Variants in SPECC1L observed in about 807,000 individuals in gnomAD.
The protein encoded by SPECC1L is sperm antigen with calponin homology and coiled-coil domains 1 like.
In SPECC1L, 40 loss-of-function variants were observed where a neutral mutation model predicts 116.8. The ratio of observed to expected loss-of-function variants is 0.34; its 90% CI spans 0.27 to 0.45. The LOEUF is 0.45. Among genes scored for constraint, SPECC1L ranks in the 20% least tolerant of loss-of-function variants. The probability of loss-of-function intolerance (pLI) is 1.00; values close to 1 mark genes in which losing one functional copy is unlikely to be tolerated. For missense variants in SPECC1L, 1,110 were observed against 1,373.6 expected (o/e 0.81, Z 3.03); for synonymous variants, 504 against 500.6 (o/e 1.01, Z -0.09).
chr22:24,340,111 A>G (rs180683349), intron 10 of SPECC1L, among the ~76,000 whole-genome samples: 1 of 148,266 alleles, frequency 6.7e-6, no homozygotes, highest in East Asian at 2.0e-4. Context: ...AAAGAAGGGA[A>G]GGGAATACTG....
chr22:24,385,165 AAT>A (rs1162590939), intron 14 of SPECC1L, among the ~76,000 whole-genome samples: 1 of 152,022 alleles, frequency 6.6e-6, no homozygotes. Context: ...TATTTGATAA[AAT>A]ATATATTTTT....
intron 2 of SPECC1L, among the ~76,000 whole-genome samples, chr22:24,284,937 A>G (rs1176840222): frequency 6.6e-6 from 1 of 152,218 alleles, no homozygotes; most frequent in Non-Finnish European, 1.5e-5. Flanking sequence ...GGAGAGACAC[A>G]TAGTCACCAG....
intron 1 of SPECC1L, among the ~76,000 whole-genome samples, chr22:24,272,065 A>T (rs1461047932): frequency 6.6e-6 from 1 of 152,164 alleles, no homozygotes; most frequent in Non-Finnish European, 1.5e-5. Context: ...TACCAAAGGG[A>T]CTATAGTAAT....
At chr22:24,277,583 A>G (rs1196069927) in intron 2 of SPECC1L, among the ~76,000 whole-genome samples, 1 of 152,148 alleles carries the variant, frequency 6.6e-6, no homozygotes, top group African/African-American at 2.4e-5. Context: ...TTGTGTCTCT[A>G]TGGATTTGCC....
intron 9 of SPECC1L, among the ~76,000 whole-genome samples, chr22:24,336,898 A>G (rs1486070775): frequency 1.3e-5 from 2 of 152,210 alleles, no homozygotes; most frequent in Non-Finnish European, 2.9e-5. Context: ...TCAGTACAGC[A>G]TTCAGTAATT....
chr22:24,363,844 A>T lies in SPECC1L; in HGVS notation c.2827+500A>T, dbSNP rs575049503. Among the ~76,000 whole-genome samples the T allele has an allele frequency of 3.9e-4, 57 of 148,004 alleles. No individual in the cohort carries two copies. The East Asian group carries it at 8.1e-3, about 21-fold the overall frequency. On this transcript the variant is annotated intron_variant, in intron 12 of 16. Coordinates refer to ENST00000314328, the MANE Select transcript of SPECC1L (RefSeq NM_015330.6). ...TCTGGATCTTTAAGGGCATTGCTTT[A>T]CTAATGCAGAGTTACATTCTGCTTG... is the stretch of plus-strand genomic sequence containing the variant.
At position 24,302,216 on chromosome 22, in the gene SPECC1L, G is replaced by A. The variant is rs767988353; in HGVS notation, c.-16G>A. 5 of 1,613,666 alleles carry A rather than the reference G, an allele frequency of 3.1e-6. No homozygotes were observed. The highest frequency in any genetic ancestry group is 2.7e-5 in the African/African-American group (2 of 74,826). On this transcript the variant is annotated 5_prime_UTR_variant, in exon 3 of 17. Coordinates refer to ENST00000314328, the MANE Select transcript of SPECC1L (RefSeq NM_015330.6). ...ACAGATTTGCTTGTAAATGCATCACGAAGAGGCAGCCCAGAATGAAGAAAG... is the reference window on the plus strand; with the variant it reads ...ACAGATTTGCTTGTAAATGCATCACAAAGAGGCAGCCCAGAATGAAGAAAG...
intron 2 of SPECC1L, among the ~76,000 whole-genome samples, chr22:24,301,711 CAG>C (rs1041692052): frequency 1.6e-4 from 24 of 152,010 alleles, no homozygotes; most frequent in Admixed American, 1.0e-3. Flanking sequence ...AATAGTAAGT[CAG>C]GGGTCATCTG....
At chr22:24,389,852 G>A (rs1230361378) in intron 14 of SPECC1L, among the ~76,000 whole-genome samples, 2 of 152,110 alleles carry the variant, frequency 1.3e-5, no homozygotes, top group Non-Finnish European at 2.9e-5. Context: ...GCACAACCCA[G>A]GCATGAGATT....
intron 13 of SPECC1L, among the ~76,000 whole-genome samples, chr22:24,366,557 AAATT>A (rs1724853045): frequency 6.6e-6 from 1 of 152,172 alleles, no homozygotes; most frequent in African/African-American, 2.4e-5. Context: ...TGATGTAAAT[AAATT>A]ATCATGTCTG....
At position 24,321,688 on chromosome 22, in the gene SPECC1L, G is replaced by C; in HGVS notation, c.708G>C (p.Pro236=). 6.2e-7 allele frequency: 1 copy of C among 1,614,222 alleles called. No homozygotes were observed. Among genetic ancestry groups the C allele is most frequent in the South Asian group, 1.1e-5 (1 of 91,068 alleles). Residue 236 remains proline, a synonymous_variant, in exon 5 of 17, where the codon CCG becomes CCC. Coordinates refer to ENST00000314328, the MANE Select transcript of SPECC1L (RefSeq NM_015330.6). ...SEKETIMAHQ[P]TDVESTLLQL... is the part of the protein sequence containing the mutation. The stretch of plus-strand genomic sequence containing the variant: ...AGGAAACTATTATGGCTCACCAGCC[G>C]ACTGATGTGGAGTCCACTTTATTGC...
intron 3 of SPECC1L, among the ~76,000 whole-genome samples, chr22:24,308,672 T>G (rs2049551531): frequency 1.3e-5 from 2 of 152,194 alleles, no homozygotes; most frequent in African/African-American, 4.8e-5. Flanking sequence ...TACTAGACTT[T>G]TCACCCTGGT....
intron 14 of SPECC1L, among the ~76,000 whole-genome samples, chr22:24,372,107 C>T (rs1390910964): frequency 6.6e-6 from 1 of 152,062 alleles, no homozygotes; most frequent in Non-Finnish European, 1.5e-5. Context: ...GGAAGTAGAC[C>T]AATAACAGGC....
At chr22:24,403,156 G>A (rs935401905) in intron 14 of SPECC1L, among the ~76,000 whole-genome samples, 10 of 152,208 alleles carry the variant, frequency 6.6e-5, no homozygotes, top group African/African-American at 2.2e-4. Context: ...GATGAAGGAT[G>A]TGTGCCCTTA....
chr22:24,399,504 AG>A (rs1569448359), intron 14 of SPECC1L, among the ~76,000 whole-genome samples: 1 of 152,122 alleles, frequency 6.6e-6, no homozygotes, highest in Non-Finnish European at 1.5e-5. Context: ...TGGGAGGCGG[AG>A]CTTGTGGTGA....
intron 9 of SPECC1L, 76 bp downstream of exon 9, chr22:24,334,649 GT>G: frequency 6.6e-7 from 1 of 1,524,622 alleles, no homozygotes; most frequent in Non-Finnish European, 9.1e-7. Context: ...GTCTGATTTG[GT>G]ATTCTTTACT....
chr22:24,286,584 C>T (rs1351341350), intron 2 of SPECC1L, among the ~76,000 whole-genome samples: 1 of 152,112 alleles, frequency 6.6e-6, no homozygotes, highest in Non-Finnish European at 1.5e-5. Flanking sequence ...CTTTTTACTG[C>T]TTTCCTCTTT....
chr22:24,335,803 T>C (rs1402572554), intron 9 of SPECC1L, among the ~76,000 whole-genome samples: 1 of 152,156 alleles, frequency 6.6e-6, no homozygotes, highest in Non-Finnish European at 1.5e-5. Flanking sequence ...TACTTAGTAC[T>C]GGCACAAGTA....
chr22:24,361,361 C>T (rs1251511076), intron 11 of SPECC1L, among the ~76,000 whole-genome samples: 2 of 151,912 alleles, frequency 1.3e-5, no homozygotes, highest in Non-Finnish European at 2.9e-5. Context: ...TGCACTCTAG[C>T]CTGGGCAACA....
Sources: allele counts gnomAD v4.1 joint callset (sites outside exome capture counted in the v4.1 genomes callset), GRCh38; gene constraint gnomAD v4.1.1; transcripts MANE v1.5; gene names NCBI Gene and HGNC (gene_info 2026-07-23, HGNC 2026-07-21).